Variants in PCBP3 observed in about 807,000 individuals in gnomAD.
PCBP3 encodes poly(rC)-binding protein 3.
In PCBP3, 25 loss-of-function variants were observed where a neutral mutation model predicts 52.7. The ratio of observed to expected loss-of-function variants is 0.47; its 90% CI spans 0.35 to 0.66. PCBP3 has a LOEUF of 0.66. Ranked by LOEUF, PCBP3 falls within the 30% of genes least tolerant of loss-of-function variation. The pLI, the probability that PCBP3 is intolerant of heterozygous loss-of-function variation, is 0.01. For synonymous variants in PCBP3, 162 were observed against 183.0 expected, an observed-to-expected ratio of 0.89 and a Z score of 0.93; for missense variants, 391 against 490.3, an observed-to-expected ratio of 0.80 and a Z score of 1.91.
At chr21:45,709,581 T>C in intron 2 of PCBP3, among the ~76,000 whole-genome samples, 1 of 152,134 alleles carries the variant, frequency 6.6e-6, no homozygotes, top group East Asian at 1.9e-4. Flanking sequence ...TGCTATTTCT[T>C]AATATTTTTT....
chr21:45,775,799 C>G (rs2090207411), intron 4 of PCBP3, among the ~76,000 whole-genome samples: 2 of 152,162 alleles, frequency 1.3e-5, no homozygotes, highest in Admixed American at 1.3e-4. Flanking sequence ...TTGTTTCATT[C>G]ATCCTTTGTA....
intron 4 of PCBP3, among the ~76,000 whole-genome samples, chr21:45,815,649 G>A (rs1490706813): frequency 2.7e-5 from 2 of 73,480 alleles, no homozygotes; most frequent in Non-Finnish European, 2.6e-5. Flanking sequence ...TGAGTGAGTG[G>A]TGAGTGGTGA....
rs2073645638 is a variant in PCBP3 at position 45,917,381 on chromosome 21, GC to G, written c.676-204del. 18 of 432,548 alleles carry G rather than the reference GC, an allele frequency of 4.2e-5. No individual in the cohort carries two copies. The East Asian group carries it at 7.8e-4, about 19-fold the overall frequency. The allele number at this position is 432,548 out of a possible 1,614,324, so 26.8% of individuals were successfully genotyped here. A position where few individuals can be genotyped will look rare whatever the true frequency, so the allele number is the denominator to read the frequency against. On this transcript the variant is annotated intron_variant, in intron 12 of 17. Coordinates refer to ENST00000681687, the MANE Select transcript of PCBP3 (RefSeq NM_001384156.1). This position sits in a 1 kb window ranked among gnomAD's most constrained non-coding sequence, Gnocchi z 5.3. ...CCGCTGAACTGGCCAGCTCAGCTCT[GC>G]CCGCCCAGAGGAAGTGGGTGCGGCT...
chr21:45,840,382 G>C (rs865847033), intron 4 of PCBP3, among the ~76,000 whole-genome samples: 2 of 151,208 alleles, frequency 1.3e-5, no homozygotes, highest in Non-Finnish European at 2.9e-5. Flanking sequence ...GTGTGAACCC[G>C]GGAGGCGGAG....
intron 6 of PCBP3, among the ~76,000 whole-genome samples, chr21:45,897,585 G>A (rs1288180303): frequency 2.0e-5 from 3 of 152,248 alleles, no homozygotes; most frequent in Middle Eastern, 3.4e-3. Flanking sequence ...CGATGCCCTC[G>A]CTGCCCCTGC....
chr21:45,921,644 C>T (rs573452212), intron 13 of PCBP3, among the ~76,000 whole-genome samples: 18 of 152,060 alleles, frequency 1.2e-4, no homozygotes, highest in African/African-American at 3.9e-4. Context: ...GGCGAGACCC[C>T]GTCTCTACCA....
At chr21:45,662,271 G>GTTTTTTTTTTTT (rs59220095) in intron 1 of PCBP3, among the ~76,000 whole-genome samples, 1 of 97,274 alleles carries the variant, frequency 1.0e-5, no homozygotes, top group African/African-American at 4.7e-5. Flanking sequence ...ATATACCTAA[G>GTTTTTTTTTTTT]TTTTTTTTTT....
rs115267904 is a variant in PCBP3, at chr21:45,803,188, C to T, written c.-125-46773C>T. On this transcript the variant is annotated intron_variant, in intron 4 of 17. Coordinates refer to ENST00000681687, the MANE Select transcript of PCBP3 (RefSeq NM_001384156.1). ...ACTTTCTCAGCAGAGGCAGAGGCTACAGTCTGAGTGGCAGAGCCCACCTTT... is the reference window on the plus strand; with the variant it reads ...ACTTTCTCAGCAGAGGCAGAGGCTATAGTCTGAGTGGCAGAGCCCACCTTT... 5.8e-3 allele frequency among the ~76,000 whole-genome samples: 888 copies of T among 152,308 alleles called. 9 individuals carry two copies. Among genetic ancestry groups the T allele is most frequent in the African/African-American group, 0.02 (828 of 41,566 alleles).
intron 9 of PCBP3, among the ~76,000 whole-genome samples, chr21:45,903,064 CAG>C (rs2096107407): frequency 6.6e-6 from 1 of 152,176 alleles, no homozygotes; most frequent in African/African-American, 2.4e-5. Context: ...TCTTTGTACA[CAG>C]AGAAGTCTCA....
chr21:45,825,204 G>A (rs1023469316), intron 4 of PCBP3, among the ~76,000 whole-genome samples: 2 of 152,126 alleles, frequency 1.3e-5, no homozygotes, highest in Non-Finnish European at 2.9e-5. Flanking sequence ...GGATGTTTGC[G>A]AGCTCCTGAG....
intron 3 of PCBP3, among the ~76,000 whole-genome samples, chr21:45,738,628 C>T (rs1446298961): frequency 1.3e-5 from 2 of 152,192 alleles, no homozygotes; most frequent in Non-Finnish European, 2.9e-5. Flanking sequence ...TTTAAAAATT[C>T]ACCTATGCTT....
chr21:45,823,734 T>A (rs7283756), intron 4 of PCBP3, among the ~76,000 whole-genome samples: 4 of 110,884 alleles, frequency 3.6e-5, no homozygotes, highest in African/African-American at 6.7e-5. Flanking sequence ...TTTTTTTTTA[T>A]TTTTTAATTT....
At chr21:45,883,203 T>A (rs566303479) in intron 5 of PCBP3, among the ~76,000 whole-genome samples, 18 of 152,368 alleles carry the variant, frequency 1.2e-4, no homozygotes, top group African/African-American at 3.8e-4. Flanking sequence ...GGAACTTTTC[T>A]TGTTATCTTT....
At chr21:45,714,278 C>G (rs1479360216) in intron 2 of PCBP3, among the ~76,000 whole-genome samples, 1 of 152,212 alleles carries the variant, frequency 6.6e-6, no homozygotes, top group East Asian at 1.9e-4. Context: ...ATTTGCAAGT[C>G]TAATAAGCAT....
chr21:45,861,013 CG>C, intron 5 of PCBP3, among the ~76,000 whole-genome samples: 1 of 152,336 alleles, frequency 6.6e-6, no homozygotes, highest in East Asian at 1.9e-4. Context: ...ACTGAGCCAG[CG>C]GCTCCTCCTG....
rs941175894 is a variant in PCBP3 at position 45,735,677 on chromosome 21, T to G, written c.-162+248T>G. 7.9e-5 allele frequency among the ~76,000 whole-genome samples: 12 copies of G among 152,174 alleles called. No homozygotes were observed. Among genetic ancestry groups the G allele is most frequent in the African/African-American group, 2.9e-4 (12 of 41,448 alleles). ...AACCAAAATTTTAAAAGAGGCAGTT[T>G]CCTCCCTCTCTGGTAACCTTTCTCC... On this transcript the variant is annotated intron_variant, in intron 3 of 17. Coordinates refer to ENST00000681687, the MANE Select transcript of PCBP3 (RefSeq NM_001384156.1). The surrounding 1 kb of genome is among the most constrained non-coding windows in gnomAD (Gnocchi z 4.0).
intron 2 of PCBP3, among the ~76,000 whole-genome samples, chr21:45,716,655 C>G (rs1379081665): frequency 4.6e-5 from 7 of 151,996 alleles, no homozygotes; most frequent in Non-Finnish European, 7.4e-5. Context: ...CTTTAAAATC[C>G]CTGTGTTTAA....
intron 2 of PCBP3, among the ~76,000 whole-genome samples, chr21:45,697,210 C>T (rs1021399834): frequency 1.3e-5 from 2 of 152,104 alleles, no homozygotes; most frequent in Non-Finnish European, 2.9e-5. Flanking sequence ...AGCTTTATGC[C>T]TAATAGTGAA....
chr21:45,848,593 G>GTCTCA (rs1347727780), intron 4 of PCBP3, among the ~76,000 whole-genome samples: 1 of 152,150 alleles, frequency 6.6e-6, no homozygotes, highest in East Asian at 1.9e-4. Context: ...TTGTAACTTA[G>GTCTCA]TCTCATTTCT....
Sources: allele counts gnomAD v4.1 joint callset (sites outside exome capture counted in the v4.1 genomes callset), GRCh38; gene constraint gnomAD v4.1.1; non-coding constraint Gnocchi (gnomAD v3.1); transcripts MANE v1.5; gene names NCBI Gene and HGNC (gene_info 2026-07-23, HGNC 2026-07-21).